The following CFAP73 variants were observed in gnomAD, a reference collection of about 807,000 sequenced individuals.
The protein encoded by CFAP73 is cilia- and flagella-associated protein 73.
In CFAP73, 33 loss-of-function variants were observed where a neutral mutation model predicts 42.9. That is an observed-to-expected ratio of 0.77 (90% CI 0.58 to 1.03). The LOEUF (loss-of-function observed/expected upper bound fraction) is 1.03. Ranked by LOEUF, CFAP73 falls within the 50% of genes least tolerant of loss-of-function variation. CFAP73 has a pLI of 0.00. For synonymous variants in CFAP73, 162 were observed against 186.8 expected (o/e 0.87, Z 1.08); for missense variants, 392 against 411.9 (o/e 0.95, Z 0.42).
chr12:113,153,449 G>T (rs576138379), intron 4 of CFAP73, 41 bp downstream of exon 4: 84 of 1,357,982 alleles, frequency 6.2e-5, no homozygotes, highest in Non-Finnish European at 7.1e-5. Context: ...GCGCCACCGC[G>T]TGGCGCTGAG....
In CFAP73 at chr12:113,157,641, G is replaced by C. The variant is rs763023498; in HGVS notation, c.889G>C (p.Gly297Arg). 1.3e-6 allele frequency: 2 copies of C among 1,551,634 alleles called. No individual in the cohort carries two copies. Among genetic ancestry groups the C allele is most frequent in the Non-Finnish European group, 1.7e-6 (2 of 1,147,000 alleles). Residue 297 changes from glycine (G) to arginine (R), a missense_variant, in exon 7 of 8, where the codon GGC becomes CGC. Physicochemically the swap from Gly to Arg is moderately radical, Grantham distance 125. Transcript: ENST00000335621. The stretch of plus-strand genomic sequence containing the variant: ...GCAGGACCTCTCTGCCATGCTGGCC[G>C]GCCTGGGTCAGGCTGAGCCTGCAGC... ...FMQDLSAMLA[G>R]LGQAEPAAPA...
chr12:113,157,831 T>C (rs1251406979), intron 7 of CFAP73, 141 bp downstream of exon 7: 3 of 671,776 alleles, frequency 4.5e-6, no homozygotes, highest in Non-Finnish European at 7.8e-6. Context: ...CAGAGTGCTG[T>C]GGGCCTGCCA....
intron 6 of CFAP73, among the ~76,000 whole-genome samples, chr12:113,155,950 CAG>C (rs935285068): frequency 3.5e-5 from 5 of 143,676 alleles, no homozygotes; most frequent in African/African-American, 1.0e-4. Context: ...TTTTTTGAGA[CAG>C]AGTCTAGTTC....
chr12:113,157,340 T>C, intron 6 of CFAP73: 1 of 501,832 alleles, frequency 2.0e-6, no homozygotes, highest in Non-Finnish European at 3.6e-6. Flanking sequence ...AAAATACTAA[T>C]TGGATAGTGC....
intron 1 of CFAP73, 31 bp downstream of exon 1, chr12:113,149,944 G>GT (rs1359610187): frequency 6.5e-7 from 1 of 1,546,402 alleles, no homozygotes; most frequent in South Asian, 1.2e-5. Flanking sequence ...GGGAGGGCTA[G>GT]AAGGAGGGCG....
chr12:113,159,068 C>A lies in CFAP73; in HGVS notation c.*379C>A. ...TGCTTGGTCTTGAGTTCCGGGCGGA[C>A]TCGGCCTGCAGGGGTGCCTGGGGCG... On this transcript the variant is annotated 3_prime_UTR_variant, in exon 8 of 8. Coordinates refer to ENST00000335621, the MANE Select transcript of CFAP73 (RefSeq NM_001144872.3). The A allele has an allele frequency of 6.2e-7, 1 of 1,608,568 alleles. No homozygotes were observed. The highest frequency in any genetic ancestry group is 1.7e-5 in the Admixed American group (1 of 59,752).
rs1278041673 is a variant in CFAP73 at position 113,158,982 on chromosome 12, G to A, written c.*293G>A. 1 of 1,611,380 alleles carries A rather than the reference G, an allele frequency of 6.2e-7. No homozygotes were observed. The highest frequency in any genetic ancestry group is 1.3e-5 in the African/African-American group (1 of 75,034). On this transcript the variant is annotated 3_prime_UTR_variant, in exon 8 of 8. Transcript: ENST00000335621. This position sits in a 1 kb window ranked among gnomAD's most constrained non-coding sequence, Gnocchi z 4.9. ...GGCGGTTGCGGGCAGAGAGCTGCTT[G>A]AGGCCACCACGCTGCAGGAAGTGCA... is the stretch of plus-strand genomic sequence containing the variant.
In CFAP73 at chr12:113,153,307, C is replaced by T. The variant is rs1172375989; in HGVS notation, c.367C>T (p.Leu123Phe). The T allele has an allele frequency of 4.0e-6, 6 of 1,518,856 alleles. No individual in the cohort carries two copies. The highest frequency in any genetic ancestry group is 8.8e-7 in the Non-Finnish European group (1 of 1,137,876). The allele number at this position is 1,518,856 out of a possible 1,614,324, so 94.1% of individuals were successfully genotyped here. Residue 123 changes from leucine to phenylalanine, a missense_variant, in exon 4 of 8, where the codon CTC becomes TTC. Leu to Phe is a conservative substitution (Grantham distance 22, BLOSUM62 0). Transcript: ENST00000335621. ...EVEALRLWTQLQELRREHARL... is the reference protein window; with the variant it reads ...EVEALRLWTQFQELRREHARL... Reference sequence around the variant, plus strand: ...GGAGGCGCTGCGTCTGTGGACCCAGCTCCAGGAGCTACGGCGGGAACACGC... The same window carrying T: ...GGAGGCGCTGCGTCTGTGGACCCAGTTCCAGGAGCTACGGCGGGAACACGC...
rs11066502 is a variant in CFAP73 at position 113,154,168 on chromosome 12, A to G, written c.469-246A>G. On this transcript the variant is annotated intron_variant, in intron 4 of 7. Coordinates refer to ENST00000335621, the MANE Select transcript of CFAP73 (RefSeq NM_001144872.3). The surrounding 1 kb of genome is among the most constrained non-coding windows in gnomAD (Gnocchi z 4.7). ...GTGGCGTGTGACTATAGTCCCAGCT[A>G]CTTTGGAGCGGAGATGGGAGGATCG... 1.9e-3 allele frequency among the ~76,000 whole-genome samples: 294 copies of G among 152,046 alleles called. 7 individuals are homozygous for G. The East Asian group carries it at 0.047, about 24-fold the overall frequency.
At chr12:113,156,893 C>CA (rs1217669513) in intron 6 of CFAP73, 1 of 152,246 alleles carries the variant, frequency 6.6e-6, no homozygotes, top group Non-Finnish European at 1.5e-5. Context: ...CTCTGCCCGT[C>CA]AAGGAGAAAG....
intron 1 of CFAP73, among the ~76,000 whole-genome samples, 192 bp from the exon 2 acceptor site, chr12:113,151,726 G>C (rs1326713079): frequency 6.6e-6 from 1 of 151,348 alleles, no homozygotes; most frequent in African/African-American, 2.4e-5. Flanking sequence ...AAGCCCAGGA[G>C]TGAGCTATGA....
intron 5 of CFAP73, 122 bp from the exon 6 acceptor site, chr12:113,155,138 C>A: frequency 1.1e-6 from 1 of 884,474 alleles, no homozygotes; most frequent in Non-Finnish European, 1.7e-6. Flanking sequence ...CCACTGCACT[C>A]CAGCCTGGGC....
intron 1 of CFAP73, 116 bp downstream of exon 1, chr12:113,150,029 A>G: frequency 1.1e-6 from 1 of 951,150 alleles, no homozygotes; most frequent in Admixed American, 2.2e-5. Flanking sequence ...AGTGGGGGTT[A>G]TTGTCCCCAC....
intron 7 of CFAP73, chr12:113,157,986 A>AAC: frequency 7.0e-6 from 3 of 428,256 alleles, no homozygotes; most frequent in Non-Finnish European, 1.3e-5. Context: ...CATGAAAAAA[A>AAC]ACTCTTTGTC....
At chr12:113,153,119 C>T in intron 3 of CFAP73, 89 bp from the exon 4 acceptor site, 1 of 1,349,570 alleles carries the variant, frequency 7.4e-7, no homozygotes, top group Non-Finnish European at 9.8e-7. Flanking sequence ...CCTGGTTTTG[C>T]GAGCGAATGT....
intron 4 of CFAP73, 76 bp downstream of exon 4, chr12:113,153,484 G>A: frequency 8.4e-7 from 1 of 1,184,576 alleles, no homozygotes; most frequent in Non-Finnish European, 1.1e-6. Flanking sequence ...CTTCGGACCG[G>A]CGAACTACTG....
At chr12:113,151,408 G>A (rs1952059895) in intron 1 of CFAP73, among the ~76,000 whole-genome samples, 1 of 152,108 alleles carries the variant, frequency 6.6e-6, no homozygotes, top group South Asian at 2.1e-4. Context: ...CTTGAACCTG[G>A]AAGGCGGGAG....
At chr12:113,149,993 C>T (rs975934645) in intron 1 of CFAP73, 80 bp downstream of exon 1, 1 of 1,399,006 alleles carries the variant, frequency 7.1e-7, no homozygotes, top group Non-Finnish European at 9.9e-7. Flanking sequence ...TCCTCACCTC[C>T]TGGGTCCTGG....
chr12:113,157,649 T>C lies in CFAP73; in HGVS notation c.897T>C (p.Gly299=). ...TCTCTGCCATGCTGGCCGGCCTGGG[T>C]CAGGCTGAGCCTGCAGCCCCTGCCT... ...QDLSAMLAGL[G]QAEPAAPAS Residue 299 remains glycine (G), a synonymous_variant, in exon 7 of 8, where the codon GGT becomes GGC. Transcript: ENST00000335621. The C allele has an allele frequency of 1.3e-6, 2 of 1,551,614 alleles. No individual in the cohort carries two copies. Among genetic ancestry groups the C allele is most frequent in the Non-Finnish European group, 1.7e-6 (2 of 1,146,988 alleles).
Sources: gnomAD v4.1 joint callset for allele counts (sites outside exome capture counted in the v4.1 genomes callset) on GRCh38, gnomAD v4.1.1 for gene constraint, Gnocchi (gnomAD v3.1) non-coding constraint, MANE v1.5 for transcripts, NCBI Gene and HGNC (gene_info 2026-07-23, HGNC 2026-07-21) for gene names.